The following TAFA5 variants were observed in gnomAD, a reference collection of about 807,000 sequenced individuals.
TAFA5 encodes TAFA chemokine like family member 5.
In TAFA5, 6 loss-of-function variants were observed where a neutral mutation model predicts 15.3. The ratio of observed to expected loss-of-function variants is 0.39; its 90% CI spans 0.21 to 0.77. The LOEUF is 0.77. Among genes scored for constraint, TAFA5 ranks in the 30% least tolerant of loss-of-function variants. TAFA5 has a pLI of 0.41. For missense variants in TAFA5, 161 were observed against 193.1 expected (o/e 0.83, Z 0.98); for synonymous variants, 103 against 80.7 (o/e 1.28, Z -1.48).
intron 1 of TAFA5, among the ~76,000 whole-genome samples, chr22:48,603,158 C>T (rs1377315572): frequency 1.3e-5 from 2 of 152,222 alleles, no homozygotes; most frequent in Non-Finnish European, 2.9e-5. Context: ...TAGACAGGGT[C>T]GCCCCGGAAA....
intron 1 of TAFA5, among the ~76,000 whole-genome samples, chr22:48,512,848 G>A (rs968229605): frequency 5.3e-5 from 8 of 149,622 alleles, no homozygotes; most frequent in Non-Finnish European, 1.0e-4. Context: ...GTGTGAACCT[G>A]GGAGGAGGAG....
At chr22:48,708,934 G>A (rs935825379) in intron 3 of TAFA5, among the ~76,000 whole-genome samples, 5 of 152,196 alleles carry the variant, frequency 3.3e-5, no homozygotes, top group Non-Finnish European at 7.4e-5. Context: ...GGCCAATTTG[G>A]TGGAGTTGCT....
At chr22:48,528,963 C>G (rs375349536) in intron 1 of TAFA5, among the ~76,000 whole-genome samples, 68 of 152,294 alleles carry the variant, frequency 4.5e-4, no homozygotes, top group African/African-American at 1.6e-3. Context: ...GAAGGCCCAG[C>G]CTGGGGAAAG....
chr22:48,661,309 C>T (rs1028609918), intron 2 of TAFA5, among the ~76,000 whole-genome samples: 4 of 152,172 alleles, frequency 2.6e-5, no homozygotes, highest in African/African-American at 9.6e-5. Flanking sequence ...CCTGCTGGAA[C>T]CTTGCCCCAG....
chr22:48,679,291 G>A (rs1196964081), intron 2 of TAFA5, among the ~76,000 whole-genome samples: 1 of 83,158 alleles, frequency 1.2e-5, no homozygotes, highest in East Asian at 3.8e-4. Context: ...CCGGCTCCCC[G>A]TCCATCCCTC....
intron 3 of TAFA5, among the ~76,000 whole-genome samples, chr22:48,710,570 G>A (rs1451717044): frequency 6.6e-6 from 1 of 152,218 alleles, no homozygotes; most frequent in Non-Finnish European, 1.5e-5. Flanking sequence ...GTCCAGGTCT[G>A]CCTGGCCAGC....
chr22:48,640,199 G>A (rs952355911), intron 1 of TAFA5, among the ~76,000 whole-genome samples: 2 of 152,198 alleles, frequency 1.3e-5, no homozygotes, highest in South Asian at 4.1e-4. Flanking sequence ...GTCCTGGGAC[G>A]GTGGAGGCTA....
At chr22:48,553,911 G>A (rs1320979026) in intron 1 of TAFA5, among the ~76,000 whole-genome samples, 1 of 152,202 alleles carries the variant, frequency 6.6e-6, no homozygotes, top group East Asian at 1.9e-4. Context: ...CCCAGCTCTT[G>A]GCCTCCGTCC....
chr22:48,525,421 C>G (rs537944912), intron 1 of TAFA5, among the ~76,000 whole-genome samples: 117 of 152,294 alleles, frequency 7.7e-4, no homozygotes, highest in Non-Finnish European at 1.5e-3. Flanking sequence ...CTGCTGGACT[C>G]CGATTCCAGT....
intron 1 of TAFA5, among the ~76,000 whole-genome samples, chr22:48,526,544 G>A (rs1250725616): frequency 6.6e-6 from 1 of 152,196 alleles, no homozygotes; most frequent in Non-Finnish European, 1.5e-5. Context: ...TCTGCGTGCC[G>A]GCCTCACAAG....
At chr22:48,646,130 G>A (rs1328827354) in intron 1 of TAFA5, among the ~76,000 whole-genome samples, 2 of 152,126 alleles carry the variant, frequency 1.3e-5, no homozygotes, top group Non-Finnish European at 2.9e-5. Flanking sequence ...GCCTGAGCGG[G>A]GGTCTGACCT....
In TAFA5 at chr22:48,496,681, G is replaced by A. The variant is rs186788415; in HGVS notation, c.112+6977G>A. Among the ~76,000 whole-genome samples, 183 of 152,314 alleles carry A rather than the reference G, an allele frequency of 1.2e-3. 1 individual carries two copies. The highest frequency in any genetic ancestry group is 4.1e-3 in the African/African-American group (172 of 41,572). ...CTACCTCTGCTGGGACTGCCTGCTC[G>A]TTTAGGGCGCTGTGTGGTCCTGGTT... On this transcript the variant is annotated intron_variant, in intron 1 of 3. Coordinates refer to ENST00000402357, the MANE Select transcript of TAFA5 (RefSeq NM_001082967.3).
At chr22:48,615,310 C>T (rs1056405110) in intron 1 of TAFA5, among the ~76,000 whole-genome samples, 5 of 152,162 alleles carry the variant, frequency 3.3e-5, no homozygotes, top group Admixed American at 1.3e-4. Context: ...TGGTGGCAGC[C>T]GGCGGCTCGG....
At chr22:48,733,960 C>T (rs954197471) in intron 3 of TAFA5, among the ~76,000 whole-genome samples, 7 of 152,174 alleles carry the variant, frequency 4.6e-5, no homozygotes, top group African/African-American at 1.2e-4. Flanking sequence ...AATGGGCAGC[C>T]GCCTGCACAG....
chr22:48,749,280 C>T (rs576104058), intron 3 of TAFA5, among the ~76,000 whole-genome samples: 2 of 152,318 alleles, frequency 1.3e-5, no homozygotes, highest in South Asian at 4.1e-4. Flanking sequence ...TCTTTCAGAT[C>T]CCCATCCCCC....
At chr22:48,681,663 A>G (rs181012056) in intron 2 of TAFA5, among the ~76,000 whole-genome samples, 5 of 151,368 alleles carry the variant, frequency 3.3e-5, no homozygotes, top group Non-Finnish European at 5.9e-5. Flanking sequence ...AAAAAAAAAA[A>G]AAAGAAAAGA....
intron 1 of TAFA5, among the ~76,000 whole-genome samples, chr22:48,604,546 G>A (rs1421262151): frequency 6.6e-6 from 1 of 152,242 alleles, no homozygotes; most frequent in African/African-American, 2.4e-5. Context: ...TCAAGCTTGG[G>A]AGGACTCCTG....
At position 48,677,596 on chromosome 22, in the gene TAFA5, C is replaced by A. The variant is rs1601664001; in HGVS notation, c.263-30121C>A. ...TTCTGCCTGCTGCCTCCCTCCTGGG[C>A]CCATCTGCCTGAGTTTGGAGTCCAG... On this transcript the variant is annotated intron_variant, in intron 2 of 3. Coordinates refer to ENST00000402357, the MANE Select transcript of TAFA5 (RefSeq NM_001082967.3). 1.3e-5 allele frequency among the ~76,000 whole-genome samples: 2 copies of A among 152,296 alleles called. 1 individual carries two copies.
intron 1 of TAFA5, among the ~76,000 whole-genome samples, chr22:48,503,456 C>T (rs1024639723): frequency 1.3e-5 from 2 of 152,180 alleles, no homozygotes; most frequent in Non-Finnish European, 2.9e-5. Flanking sequence ...TCAGAACCCA[C>T]AGCCTAGAGA....
Sources: allele counts gnomAD v4.1 joint callset (sites outside exome capture counted in the v4.1 genomes callset), GRCh38; gene constraint gnomAD v4.1.1; transcripts MANE v1.5; gene names NCBI Gene and HGNC (gene_info 2026-07-23, HGNC 2026-07-21).